Variants in HIVEP3 observed in about 807,000 individuals in gnomAD.
HIVEP3 encodes the protein transcription factor HIVEP3.
Under a neutral mutation model 152.8 loss-of-function variants are expected in HIVEP3, and 49 were observed. The ratio of observed to expected loss-of-function variants is 0.32; its 90% CI spans 0.26 to 0.41. HIVEP3 has a LOEUF of 0.41. Among genes scored for constraint, HIVEP3 ranks in the 10% least tolerant of loss-of-function variants. HIVEP3 has a pLI of 1.00. For missense variants in HIVEP3, 2,790 were observed against 3,103.3 expected (o/e 0.90, Z 2.40); for synonymous variants, 1,269 against 1,289.0 (o/e 0.98, Z 0.33).
At chr1:41,819,826 A>G (rs1642535989) in intron 1 of HIVEP3, among the ~76,000 whole-genome samples, 1 of 152,204 alleles carries the variant, frequency 6.6e-6, no homozygotes, top group Non-Finnish European at 1.5e-5. Flanking sequence ...CCTGAAAAGT[A>G]TATGTACTCT....
intron 1 of HIVEP3, among the ~76,000 whole-genome samples, chr1:41,724,267 C>A (rs1646720004): frequency 6.6e-6 from 1 of 152,224 alleles, no homozygotes; most frequent in Non-Finnish European, 1.5e-5. Context: ...GATAAGTCTT[C>A]TGTATGTTCC....
chr1:41,676,600 C>T (rs528217045), intron 2 of HIVEP3, among the ~76,000 whole-genome samples: 13 of 152,294 alleles, frequency 8.5e-5, no homozygotes, highest in African/African-American at 1.9e-4. Flanking sequence ...ACTGACTCAG[C>T]GCTTTCATCC....
chr1:41,747,046 C>T (rs1647083713), intron 1 of HIVEP3, among the ~76,000 whole-genome samples: 1 of 152,172 alleles, frequency 6.6e-6, no homozygotes, highest in Non-Finnish European at 1.5e-5. Context: ...CTATGACTCC[C>T]ATTTTGCAGA....
At chr1:41,585,439 C>T (rs1570016324) in intron 3 of HIVEP3, 121 bp from the exon 4 acceptor site, 3 of 397,626 alleles carry the variant, frequency 7.5e-6, no homozygotes, top group African/African-American at 2.1e-5. Flanking sequence ...TGAGACCCCT[C>T]AAAAGTTAAC....
At chr1:42,018,209 T>C (rs1645534537) in intron 1 of HIVEP3, among the ~76,000 whole-genome samples, 1 of 151,816 alleles carries the variant, frequency 6.6e-6, no homozygotes, top group African/African-American at 2.4e-5. Flanking sequence ...TAGTATCTTT[T>C]GATGATCAGA....
chr1:41,535,536 G>A (rs1643376034), intron 5 of HIVEP3: 1 of 152,242 alleles, frequency 6.6e-6, no homozygotes, highest in Non-Finnish European at 1.5e-5. Flanking sequence ...GGTCTGGCAG[G>A]GCTGACTTAT....
chr1:41,727,790 G>A (rs79656014), intron 1 of HIVEP3, among the ~76,000 whole-genome samples: 4,713 of 152,306 alleles, frequency 0.031, 104 homozygotes, highest in African/African-American at 0.059. Context: ...GGCTGGAGTC[G>A]TAGTCAGCTA....
chr1:41,759,922 T>C (rs1647557676), intron 1 of HIVEP3, among the ~76,000 whole-genome samples: 1 of 152,180 alleles, frequency 6.6e-6, no homozygotes, highest in Non-Finnish European at 1.5e-5. Context: ...ATTAGAGTAG[T>C]AGGGGGTAAG....
intron 1 of HIVEP3, among the ~76,000 whole-genome samples, chr1:41,778,401 TG>T (rs1648843177): frequency 6.6e-6 from 1 of 152,214 alleles, no homozygotes; most frequent in Non-Finnish European, 1.5e-5. Flanking sequence ...CTGCCCGGCT[TG>T]GCATATCACA....
intron 1 of HIVEP3, among the ~76,000 whole-genome samples, chr1:41,809,880 T>G (rs78791344): frequency 0.016 from 2,417 of 152,328 alleles, 77 homozygotes; most frequent in African/African-American, 0.056. Flanking sequence ...GAGTCCATGC[T>G]TGACTGGGGA....
intron 1 of HIVEP3, among the ~76,000 whole-genome samples, chr1:41,741,089 T>A (rs1405990613): frequency 6.6e-6 from 1 of 152,058 alleles, no homozygotes; most frequent in East Asian, 1.9e-4. Context: ...TTCTGTAACA[T>A]CCAAGTGAGG....
intron 1 of HIVEP3, among the ~76,000 whole-genome samples, chr1:42,022,269 T>C (rs1319255401): frequency 2.0e-5 from 3 of 152,198 alleles, no homozygotes; most frequent in Admixed American, 2.0e-4. Context: ...CTAATCTGTC[T>C]CCTTCCACTC....
At chr1:41,548,237 C>T (rs901507366) in intron 5 of HIVEP3, among the ~76,000 whole-genome samples, 1 of 152,176 alleles carries the variant, frequency 6.6e-6, no homozygotes, top group Non-Finnish European at 1.5e-5. Context: ...ATGTCCCAAG[C>T]ACCATGCAGT....
At chr1:41,872,241 G>C (rs1459532949) in intron 1 of HIVEP3, among the ~76,000 whole-genome samples, 5 of 152,202 alleles carry the variant, frequency 3.3e-5, no homozygotes, top group Non-Finnish European at 7.3e-5. Flanking sequence ...AAGATTTACA[G>C]ACAAAAGAAA....
chr1:41,574,267 GAC>G (rs1644294258), intron 5 of HIVEP3, among the ~76,000 whole-genome samples: 1 of 152,160 alleles, frequency 6.6e-6, no homozygotes. Context: ...AGAACACAGA[GAC>G]ACACGAGGGC....
At position 41,573,344 on chromosome 1, in the gene HIVEP3, C is replaced by T. The variant is rs80025493; in HGVS notation, c.5207+2200G>A. Among the ~76,000 whole-genome samples, 816 of 152,234 alleles carry T rather than the reference C, an allele frequency of 5.4e-3. 7 individuals carry two copies. Among genetic ancestry groups the T allele is most frequent in the African/African-American group, 0.018 (758 of 41,540 alleles). On this transcript the variant is annotated intron_variant, in intron 5 of 8. Coordinates refer to ENST00000372583, the MANE Select transcript of HIVEP3 (RefSeq NM_024503.5). ...TTATGTGGCAACCAAAATGCCCTCC[C>T]CCTCCTTCACCATTTCCAAACACTC...
intron 1 of HIVEP3, among the ~76,000 whole-genome samples, chr1:41,709,462 C>T (rs530891853): frequency 6.6e-5 from 10 of 152,082 alleles, no homozygotes; most frequent in African/African-American, 1.7e-4. Context: ...GGGCCATTCA[C>T]GGGTGGGACA....
Position 41,524,284 on chromosome 1 carries a change from G to A in HIVEP3, c.5383+451C>T, listed in dbSNP as rs12091392. Among the ~76,000 whole-genome samples the A allele has an allele frequency of 4.9e-3, 748 of 152,284 alleles. 4 individuals carry two copies. Among genetic ancestry groups the A allele is most frequent in the African/African-American group, 0.017 (695 of 41,560 alleles). ...AGGTCGGCGCGCTCTGGCAGGAGAA[G>A]AGAGCATGCGAGTGTGTTAAGCAGC... On this transcript the variant is annotated intron_variant, in intron 6 of 8. Coordinates refer to ENST00000372583, the MANE Select transcript of HIVEP3 (RefSeq NM_024503.5).
At chr1:41,634,513 A>G (rs1645241392) in intron 2 of HIVEP3, among the ~76,000 whole-genome samples, 1 of 152,158 alleles carries the variant, frequency 6.6e-6, no homozygotes, top group Admixed American at 6.5e-5. Flanking sequence ...AAATAAGATG[A>G]CAAAAGACAC....
Sources: gnomAD v4.1 joint callset for allele counts (sites outside exome capture counted in the v4.1 genomes callset) on GRCh38, gnomAD v4.1.1 for gene constraint, MANE v1.5 for transcripts, NCBI Gene and HGNC (gene_info 2026-07-23, HGNC 2026-07-21) for gene names.